Variants in PTPRK observed in about 807,000 individuals in gnomAD.
PTPRK encodes protein tyrosine phosphatase receptor type K.
PTPRK carries 75 observed loss-of-function variants against 178.0 expected under a neutral mutation model. That is an observed-to-expected ratio of 0.42 (90% confidence interval 0.35 to 0.51). PTPRK has a LOEUF of 0.51. PTPRK is among the 20% of genes least tolerant of loss of function. PTPRK has a pLI of 0.02. For missense variants in PTPRK, 1,441 were observed against 1,797.8 expected (o/e 0.80, Z 3.59); for synonymous variants, 637 against 620.6 (o/e 1.03, Z -0.39).
At chr6:128,003,375 T>G (rs1778059608) in intron 15 of PTPRK, 2 of 817,848 alleles carry the variant, frequency 2.4e-6, no homozygotes, top group Non-Finnish European at 3.8e-6. Flanking sequence ...AAATGTAAAA[T>G]TTTCTCTCTC....
At chr6:128,354,229 A>ATTTTTTTTTTTTTT (rs1201996929) in intron 2 of PTPRK, among the ~76,000 whole-genome samples, 1 of 27,738 alleles carries the variant, frequency 3.6e-5, no homozygotes, top group Non-Finnish European at 7.7e-5. Context: ...TTTTTTGTTT[A>ATTTTTTTTTTTTTT]TGTTTTTTTT....
chr6:128,116,053 C>A (rs894113096), intron 7 of PTPRK, among the ~76,000 whole-genome samples: 12 of 152,102 alleles, frequency 7.9e-5, no homozygotes, highest in Non-Finnish European at 1.3e-4. Context: ...AAAATCACAG[C>A]TTATCTCAAT....
chr6:128,345,222 T>C (rs1410165437), intron 2 of PTPRK, among the ~76,000 whole-genome samples: 10 of 152,180 alleles, frequency 6.6e-5, no homozygotes, highest in Admixed American at 6.5e-4. Context: ...CTTCAGTGAA[T>C]GCTATTTTAA....
At chr6:128,079,628 T>C (rs1784455476) in intron 10 of PTPRK, among the ~76,000 whole-genome samples, 1 of 152,092 alleles carries the variant, frequency 6.6e-6, no homozygotes, top group Non-Finnish European at 1.5e-5. Flanking sequence ...TTAAGGAGTA[T>C]ATACTCAATG....
At chr6:128,081,699 T>A (rs537345474) in intron 10 of PTPRK, among the ~76,000 whole-genome samples, 2 of 152,146 alleles carry the variant, frequency 1.3e-5, no homozygotes, top group East Asian at 3.9e-4. Context: ...ACATATACAA[T>A]ATGTATTTAT....
intron 3 of PTPRK, among the ~76,000 whole-genome samples, chr6:128,304,170 C>G (rs1826042590): frequency 6.6e-6 from 1 of 152,218 alleles, no homozygotes; most frequent in Non-Finnish European, 1.5e-5. Flanking sequence ...CCTCTTTCCA[C>G]ATAGTCTTGC....
At chr6:128,132,060 CCTAAAGCTAT>C (rs1794331780) in intron 7 of PTPRK, among the ~76,000 whole-genome samples, 1 of 151,690 alleles carries the variant, frequency 6.6e-6, no homozygotes, top group African/African-American at 2.4e-5. Context: ...CACATTTGTA[CCTAAAGCTAT>C]GAAATAAAAT....
intron 7 of PTPRK, among the ~76,000 whole-genome samples, chr6:128,159,797 G>A (rs543744156): frequency 2.8e-4 from 43 of 151,768 alleles, no homozygotes; most frequent in African/African-American, 1.0e-3. Context: ...AAGACATGAA[G>A]ATAAATGTAA....
chr6:127,995,216 AG>A, intron 18 of PTPRK: 1 of 1,563,034 alleles, frequency 6.4e-7, no homozygotes, highest in Non-Finnish European at 8.7e-7. Flanking sequence ...TATTTATAAT[AG>A]GGTGCTGTTA....
intron 2 of PTPRK, among the ~76,000 whole-genome samples, chr6:128,396,718 T>C (rs774874838): frequency 1.3e-5 from 2 of 152,008 alleles, no homozygotes; most frequent in East Asian, 1.9e-4. Flanking sequence ...AACGAAAAGA[T>C]GCTGGGCGCG....
chr6:128,050,420 C>T (rs1778810087), intron 13 of PTPRK, among the ~76,000 whole-genome samples: 1 of 152,114 alleles, frequency 6.6e-6, no homozygotes, highest in Non-Finnish European at 1.5e-5. Flanking sequence ...AAATGGAAAG[C>T]CTTTCTTGAT....
At chr6:128,003,782 C>T (rs376921817) in intron 15 of PTPRK, among the ~76,000 whole-genome samples, 1 of 151,584 alleles carries the variant, frequency 6.6e-6, no homozygotes, top group East Asian at 1.9e-4. Context: ...CTTTATTTTC[C>T]GCAAAACTTA....
chr6:128,005,021 G>T, intron 15 of PTPRK, 63 bp downstream of exon 15: 1 of 1,396,256 alleles, frequency 7.2e-7, no homozygotes, highest in Non-Finnish European at 9.9e-7. Context: ...AAAAGGTATC[G>T]TGTAGAATTC....
chr6:128,513,207 G>A (rs908399948), intron 1 of PTPRK, among the ~76,000 whole-genome samples: 5 of 151,956 alleles, frequency 3.3e-5, no homozygotes, highest in Admixed American at 2.0e-4. Flanking sequence ...TCCAGGGGCC[G>A]GGCATGGTGG....
Position 128,519,791 on chromosome 6 carries a change from G to C in PTPRK, c.100+468C>G, listed in dbSNP as rs1026871198. 2.6e-5 allele frequency among the ~76,000 whole-genome samples: 4 copies of C among 152,136 alleles called. No individual in the cohort carries two copies. The East Asian group carries it at 5.8e-4, about 22-fold the overall frequency. On this transcript the variant is annotated intron_variant, in intron 1 of 29. Coordinates refer to ENST00000368226, the MANE Select transcript of PTPRK (RefSeq NM_002844.4). The surrounding 1 kb of genome is among the most constrained non-coding windows in gnomAD (Gnocchi z 4.3). The stretch of plus-strand genomic sequence containing the variant: ...ACAATAGTCAGGGGAGGTTATTCCC[G>C]GGACAAAAAGCACCTGGCAAAGCGC...
At chr6:128,268,099 C>A (rs114126577) in intron 3 of PTPRK, among the ~76,000 whole-genome samples, 1 of 151,780 alleles carries the variant, frequency 6.6e-6, no homozygotes, top group Non-Finnish European at 1.5e-5. Flanking sequence ...GGGATAGTGG[C>A]GGTGGGGAAG....
At chr6:127,974,034 C>T (rs1774235934) in intron 27 of PTPRK, among the ~76,000 whole-genome samples, 1 of 152,144 alleles carries the variant, frequency 6.6e-6, no homozygotes, top group South Asian at 2.1e-4. Flanking sequence ...CCTGTTTCTC[C>T]CTCGCACTAT....
intron 2 of PTPRK, among the ~76,000 whole-genome samples, chr6:128,372,896 G>A (rs1836486920): frequency 6.6e-6 from 1 of 151,736 alleles, no homozygotes; most frequent in Admixed American, 6.6e-5. Flanking sequence ...ATGAGGAAAT[G>A]AACAGAACTG....
chr6:128,084,780 A>T (rs1205774679), intron 8 of PTPRK: 2 of 152,220 alleles, frequency 1.3e-5, no homozygotes, highest in Non-Finnish European at 2.9e-5. Flanking sequence ...AGTTCTGATA[A>T]TATTTTAAAA....
Sources: gnomAD v4.1 joint callset for allele counts (sites outside exome capture counted in the v4.1 genomes callset) on GRCh38, gnomAD v4.1.1 for gene constraint, Gnocchi (gnomAD v3.1) non-coding constraint, MANE v1.5 for transcripts, NCBI Gene and HGNC (gene_info 2026-07-23, HGNC 2026-07-21) for gene names.